Variants in ARIH1 observed in about 807,000 individuals in gnomAD.
ARIH1 encodes ariadne RBR E3 ubiquitin protein ligase 1, also known as E3 ubiquitin-protein ligase ARIH1.
Under a neutral mutation model 85.0 loss-of-function variants are expected in ARIH1, and 8 were observed. That is an observed-to-expected ratio of 0.09 (90% CI 0.06 to 0.17). The LOEUF (loss-of-function observed/expected upper bound fraction) is 0.17, where lower values mean the gene tolerates loss of function less well. ARIH1 is among the 10% of genes least tolerant of loss of function. The pLI is 1.00. For missense variants in ARIH1, 311 were observed against 718.1 expected (o/e 0.43, Z 6.48); for synonymous variants, 238 against 253.6 (o/e 0.94, Z 0.59).
chr15:72,546,627 C>T (rs1479193268), intron 3 of ARIH1, among the ~76,000 whole-genome samples: 6 of 152,014 alleles, frequency 3.9e-5, no homozygotes, highest in African/African-American at 9.7e-5. Flanking sequence ...GGACCACAGG[C>T]GCATGCCACC....
At chr15:72,548,748 T>A (rs190517893) in intron 3 of ARIH1, among the ~76,000 whole-genome samples, 1 of 152,350 alleles carries the variant, frequency 6.6e-6, no homozygotes, top group African/African-American at 2.4e-5. Context: ...GTTCTTCACT[T>A]ACATTGTATA....
intron 1 of ARIH1, among the ~76,000 whole-genome samples, chr15:72,515,337 GAAAAATA>G (rs919265083): frequency 6.6e-6 from 1 of 151,786 alleles, no homozygotes; most frequent in Non-Finnish European, 1.5e-5. Flanking sequence ...ACTACGTCTC[GAAAAATA>G]AAAAATAAAA....
At position 72,589,065 on chromosome 15, in the gene ARIH1, T is replaced by C. The variant is rs1424822766; in HGVS notation, c.*5773T>C. 1.3e-5 allele frequency: 2 copies of C among 152,228 alleles called. No homozygotes were observed. The highest frequency in any genetic ancestry group is 2.9e-5 in the Non-Finnish European group (2 of 68,038). The allele number at this position is 152,228 out of a possible 1,614,324, so 9.4% of individuals were successfully genotyped here. A position where few individuals can be genotyped will look rare whatever the true frequency, so the allele number is the denominator to read the frequency against. ...ATTTCTCAGCCATAGATTTCCCTTT[T>C]GTAAAATGGGAATACTAATAGGAAC... On this transcript the variant is annotated 3_prime_UTR_variant, in exon 14 of 14. Coordinates refer to ENST00000379887, the MANE Select transcript of ARIH1 (RefSeq NM_005744.5).
chr15:72,579,106 T>C (rs900218761), intron 11 of ARIH1, among the ~76,000 whole-genome samples: 1 of 152,132 alleles, frequency 6.6e-6, no homozygotes, highest in African/African-American at 2.4e-5. Context: ...TCTTTTATAG[T>C]TGGTTCAAAT....
intron 1 of ARIH1, among the ~76,000 whole-genome samples, chr15:72,485,922 G>C (rs1190895754): frequency 6.6e-6 from 1 of 152,164 alleles, no homozygotes; most frequent in African/African-American, 2.4e-5. Flanking sequence ...TAATCAGGCT[G>C]TTTCTAACCT....
At chr15:72,510,593 C>T (rs982560865) in intron 1 of ARIH1, among the ~76,000 whole-genome samples, 8 of 151,286 alleles carry the variant, frequency 5.3e-5, no homozygotes, top group Non-Finnish European at 8.8e-5. Context: ...AAAAATTAGG[C>T]GGGCTTGGTG....
At position 72,555,348 on chromosome 15, in the gene ARIH1, A is replaced by G; in HGVS notation, c.666A>G (p.Glu222=). ...AATATTTAACTACCAAAATAATGGA[A>G]GAAGGCATGGGTCAGGTAAAGATAT... The part of the protein sequence containing the change: ...WSEYLTTKIM[E]EGMGQTISCP... Residue 222 remains glutamate (E), a synonymous_variant, in exon 4 of 14, where the codon GAA becomes GAG. Coordinates refer to ENST00000379887, the MANE Select transcript of ARIH1 (RefSeq NM_005744.5). 1.2e-6 allele frequency: 2 copies of G among 1,612,538 alleles called. No individual in the cohort carries two copies. Among genetic ancestry groups the G allele is most frequent in the African/African-American group, 2.7e-5 (2 of 75,008 alleles).
At chr15:72,551,245 T>C (rs1378688611) in intron 3 of ARIH1, among the ~76,000 whole-genome samples, 1 of 152,154 alleles carries the variant, frequency 6.6e-6, no homozygotes, top group African/African-American at 2.4e-5. Flanking sequence ...CTTCAAATAC[T>C]AAGATAAAAG....
At chr15:72,495,646 T>G (rs1567339245) in intron 1 of ARIH1, among the ~76,000 whole-genome samples, 1 of 152,196 alleles carries the variant, frequency 6.6e-6, no homozygotes, top group Non-Finnish European at 1.5e-5. Context: ...TTTAGTTGCA[T>G]GCAAAATAAA....
chr15:72,524,447 CAA>C, intron 2 of ARIH1, among the ~76,000 whole-genome samples: 1 of 151,800 alleles, frequency 6.6e-6, no homozygotes, highest in East Asian at 1.9e-4. Flanking sequence ...ACTCTGACCT[CAA>C]GTGATCCGCC....
In ARIH1 at chr15:72,491,154, A is replaced by G. The variant is rs187431073; in HGVS notation, c.375+16140A>G. On this transcript the variant is annotated intron_variant, in intron 1 of 13. Coordinates refer to ENST00000379887, the MANE Select transcript of ARIH1 (RefSeq NM_005744.5). ...AATAAAAAATAAAAGATTTATTAGCATGATAAATCAGGCTTTTCATAATGT... is the reference window on the plus strand; with the variant it reads ...AATAAAAAATAAAAGATTTATTAGCGTGATAAATCAGGCTTTTCATAATGT... Among the ~76,000 whole-genome samples, 594 of 151,834 alleles carry G rather than the reference A, an allele frequency of 3.9e-3. 2 individuals carry two copies. The highest frequency in any genetic ancestry group is 0.013 in the African/African-American group (538 of 41,530).
At chr15:72,477,611 G>A (rs2063799712) in intron 1 of ARIH1, among the ~76,000 whole-genome samples, 1 of 152,100 alleles carries the variant, frequency 6.6e-6, no homozygotes, top group Admixed American at 6.6e-5. Flanking sequence ...TGCAGGTTAG[G>A]TTTGGTCTTC....
chr15:72,508,879 A>G (rs2063937928), intron 1 of ARIH1, among the ~76,000 whole-genome samples: 1 of 151,740 alleles, frequency 6.6e-6, no homozygotes. Context: ...TTTTTAGTAG[A>G]GATGAGGTTT....
intron 1 of ARIH1, among the ~76,000 whole-genome samples, chr15:72,505,780 A>C (rs1184959095): frequency 6.6e-6 from 1 of 152,004 alleles, no homozygotes; most frequent in Non-Finnish European, 1.5e-5. Flanking sequence ...TGTTGCCCAG[A>C]GGTGGAGTGC....
intron 3 of ARIH1, among the ~76,000 whole-genome samples, chr15:72,548,673 C>T (rs2064140027): frequency 6.6e-6 from 1 of 152,130 alleles, no homozygotes; most frequent in African/African-American, 2.4e-5. Flanking sequence ...TAATTTTAAC[C>T]TCTTCAGTTT....
intron 6 of ARIH1, among the ~76,000 whole-genome samples, chr15:72,563,061 T>C (rs561065233): frequency 1.4e-4 from 22 of 152,332 alleles, no homozygotes; most frequent in African/African-American, 5.1e-4. Flanking sequence ...TAATTTGCTG[T>C]CTTTTTTTGA....
intron 2 of ARIH1, among the ~76,000 whole-genome samples, chr15:72,537,649 A>G (rs1164135991): frequency 6.6e-6 from 1 of 152,144 alleles, no homozygotes; most frequent in Non-Finnish European, 1.5e-5. Flanking sequence ...TTTTCCCTTA[A>G]ATGTACATTT....
chr15:72,497,268 A>G (rs896767822), intron 1 of ARIH1, among the ~76,000 whole-genome samples: 2 of 152,164 alleles, frequency 1.3e-5, no homozygotes, highest in Non-Finnish European at 2.9e-5. Flanking sequence ...GTGTATATTT[A>G]TGTGTTAATG....
At chr15:72,558,442 C>T (rs2064184114) in intron 5 of ARIH1, among the ~76,000 whole-genome samples, 1 of 152,182 alleles carries the variant, frequency 6.6e-6, no homozygotes, top group Non-Finnish European at 1.5e-5. Flanking sequence ...GCTGAGATTA[C>T]AGGTGTACAC....
Sources: allele counts gnomAD v4.1 joint callset (sites outside exome capture counted in the v4.1 genomes callset), GRCh38; gene constraint gnomAD v4.1.1; transcripts MANE v1.5; gene names NCBI Gene and HGNC (gene_info 2026-07-23, HGNC 2026-07-21).